PTPRT: variants seen among roughly 807,000 people sequenced by gnomAD.
The protein encoded by PTPRT is receptor-type tyrosine-protein phosphatase T.
Under a neutral mutation model 176.8 loss-of-function variants are expected in PTPRT, and 56 were observed. The observed-to-expected ratio is 0.32, with a 90% CI of 0.26 to 0.40. The LOEUF (loss-of-function observed/expected upper bound fraction) is 0.40, where lower values mean the gene tolerates loss of function less well. Ranked by LOEUF, PTPRT falls within the 10% of genes least tolerant of loss-of-function variation. PTPRT has a pLI of 1.00. For missense variants in PTPRT, 1,540 were observed against 1,908.2 expected, an observed-to-expected ratio of 0.81 and a Z score of 3.60; for synonymous variants, 783 against 739.0, an observed-to-expected ratio of 1.06 and a Z score of -0.96.
chr20:42,112,355 C>T (rs1987046080), intron 22 of PTPRT, among the ~76,000 whole-genome samples: 1 of 152,126 alleles, frequency 6.6e-6, no homozygotes, highest in African/African-American at 2.4e-5. Flanking sequence ...AACAGGAACC[C>T]CCCTCCCCTG....
At position 42,086,744 on chromosome 20, in the gene PTPRT, A is replaced by AT. The variant is rs1157494411; in HGVS notation, c.3847-892_3847-891insA. Among the ~76,000 whole-genome samples, 29 of 71,416 alleles carry AT rather than the reference A, an allele frequency of 4.1e-4. 2 individuals are homozygous for AT. Among genetic ancestry groups the AT allele is most frequent in the Admixed American group, 1.8e-3 (12 of 6,622 alleles). 46.9% of individuals were successfully genotyped at this position (71,416 alleles called of 152,430 possible). On this transcript the variant is annotated intron_variant, in intron 27 of 30. Transcript: ENST00000373187. Reference sequence around the variant, plus strand: ...TCCATCTCAAAAAAAAAAAAAAAAAAAAAAAAAAAATATATATATATATGG... The same window carrying AT: ...TCCATCTCAAAAAAAAAAAAAAAAAATAAAAAAAAAATATATATATATATGG...
intron 1 of PTPRT, among the ~76,000 whole-genome samples, chr20:42,898,809 AAAG>A (rs1389402670): frequency 2.6e-5 from 4 of 152,006 alleles, no homozygotes; most frequent in African/African-American, 2.4e-5. Context: ...AAGTGCGATG[AAAG>A]AAGGAGGCCC....
intron 1 of PTPRT, among the ~76,000 whole-genome samples, chr20:43,093,383 G>A (rs901967665): frequency 2.0e-5 from 3 of 152,138 alleles, no homozygotes; most frequent in African/African-American, 4.8e-5. Flanking sequence ...GTTGTACGTT[G>A]GACTGTTTCT....
At position 42,199,317 on chromosome 20, in the gene PTPRT, T is replaced by C; in HGVS notation, c.2414A>G (p.Asp805Gly). The C allele has an allele frequency of 6.2e-7, 1 of 1,614,182 alleles. No homozygotes were observed. The change falls in exon 16 of 31, where the codon GAC becomes GGC. Residue 805 changes from aspartate (D) to glycine (G), a missense_variant. Asp to Gly is a moderately conservative substitution (Grantham distance 94, BLOSUM62 -1). This residue lies in a region of PTPRT where 255 missense variants were observed against 250.1 expected (regional missense o/e 1.02). Transcript: ENST00000373187. ...QREMGPVASA[D>G]KPTTKLSASR... ...GGCGCTGAGCTTGGTGGTGGGTTTG[T>C]CGGCAGAGGCCACAGGCCCCATCTC...
At chr20:42,751,987 A>C (rs2076776604) in intron 6 of PTPRT, among the ~76,000 whole-genome samples, 1 of 152,054 alleles carries the variant, frequency 6.6e-6, no homozygotes, top group Non-Finnish European at 1.5e-5. Flanking sequence ...AGAGAACCCT[A>C]ATAAAAGACC....
chr20:42,562,242 T>C (rs1180458311), intron 7 of PTPRT, among the ~76,000 whole-genome samples: 4 of 152,222 alleles, frequency 2.6e-5, no homozygotes, highest in Non-Finnish European at 5.9e-5. Context: ...TCCAGAATTA[T>C]CTTGTTCCCT....
chr20:42,725,457 A>G (rs1189587026), intron 6 of PTPRT, among the ~76,000 whole-genome samples: 1 of 151,980 alleles, frequency 6.6e-6, no homozygotes, highest in African/African-American at 2.4e-5. Context: ...ACACTTGTAC[A>G]ATAGTATTAA....
intron 15 of PTPRT, among the ~76,000 whole-genome samples, chr20:42,213,826 T>C (rs1030071018): frequency 6.6e-6 from 1 of 152,136 alleles, no homozygotes; most frequent in African/African-American, 2.4e-5. Flanking sequence ...AACACCTTGA[T>C]TTTGGATTTA....
Position 42,248,799 on chromosome 20 carries a change from T to C in PTPRT, c.2200A>G (p.Thr734Ala). ...TCCACCTGCTTCTCTGGCTCCACAG[T>C]GTTAGAATTCTGGGTGGAGGCACCT... ...TKGASTQNSNTVEPEKQVDNT... is the reference protein window; with the variant it reads ...TKGASTQNSNAVEPEKQVDNT... The change falls in exon 14 of 31, where the codon ACT becomes GCT. Residue 734 changes from threonine (T) to alanine (A), a missense_variant. Thr to Ala is a moderately conservative substitution (Grantham distance 58, BLOSUM62 0). Coordinates refer to ENST00000373187, the MANE Select transcript of PTPRT (RefSeq NM_007050.6). 6.2e-7 allele frequency: 1 copy of C among 1,613,850 alleles called. No homozygotes were observed. Among genetic ancestry groups the C allele is most frequent in the Non-Finnish European group, 8.5e-7 (1 of 1,179,900 alleles).
chr20:42,423,381 G>A (rs144801259), intron 9 of PTPRT, among the ~76,000 whole-genome samples: 91 of 152,148 alleles, frequency 6.0e-4, no homozygotes, highest in African/African-American at 2.0e-3. Flanking sequence ...GGCACAGTTA[G>A]ACTGCATTTC....
intron 9 of PTPRT, among the ~76,000 whole-genome samples, chr20:42,410,181 A>G (rs1354609211): frequency 6.6e-6 from 1 of 152,126 alleles, no homozygotes; most frequent in Non-Finnish European, 1.5e-5. Context: ...ATATTGGTGA[A>G]AAAAGCATAC....
rs536949583 is a variant in PTPRT at position 43,065,268 on chromosome 20, T to TCCA, written c.88+124375_88+124377dup. Among the ~76,000 whole-genome samples the TCCA allele has an allele frequency of 2.0e-3, 306 of 152,288 alleles. 1 individual carries two copies. Among genetic ancestry groups the TCCA allele is most frequent in the African/African-American group, 7.2e-3 (298 of 41,548 alleles). ...ATTCACAGATCTAGGATCCTATAATTCCACCAAACTCTGTGGCATCAGAGT... is the reference window on the plus strand; with the variant it reads ...ATTCACAGATCTAGGATCCTATAATTCCACCACCAAACTCTGTGGCATCAGAGT... On this transcript the variant is annotated intron_variant, in intron 1 of 30. Transcript: ENST00000373187.
intron 22 of PTPRT, among the ~76,000 whole-genome samples, chr20:42,110,900 A>C (rs73131116): frequency 0.035 from 5,401 of 152,268 alleles, 161 homozygotes; most frequent in Middle Eastern, 0.065. Context: ...GTGGAATCTG[A>C]GGCGTTCAGT....
rs1217849928 is a variant in PTPRT at position 42,084,863 on chromosome 20, G to GT, written c.3973-19dup. ...TCCTGTGGCTGAGAACAGAGAGGCT[G>GT]TTAGGGCTGTTCTGCTGGGGATGCT... On this transcript the variant is annotated intron_variant, in intron 28 of 30. Transcript: ENST00000373187. 3 of 1,391,376 alleles carry GT rather than the reference G, an allele frequency of 2.2e-6. No individual in the cohort carries two copies. Among genetic ancestry groups the GT allele is most frequent in the Non-Finnish European group, 2.8e-6 (3 of 1,055,556 alleles). The allele number at this position is 1,391,376 out of a possible 1,614,324, so 86.2% of individuals were successfully genotyped here. A position where few individuals can be genotyped will look rare whatever the true frequency, so the allele number is the denominator to read the frequency against.
At position 42,791,375 on chromosome 20, in the gene PTPRT, G is replaced by A. The variant is rs1033091583; in HGVS notation, c.306C>T (p.Cys102=). 3 of 1,614,132 alleles carry A rather than the reference G, an allele frequency of 1.9e-6. No individual in the cohort carries two copies. Among genetic ancestry groups the A allele is most frequent in the Middle Eastern group, 1.6e-4 (1 of 6,084 alleles). Residue 102 remains cysteine (C), a synonymous_variant, in exon 3 of 31, where the codon TGC becomes TGT. Coordinates refer to ENST00000373187, the MANE Select transcript of PTPRT (RefSeq NM_007050.6). ...TGGAGAAGTAGTAATGGAAGTCGATGCAGTGGGTGTCATTCTCCTTCAGGG... is the reference window on the plus strand; with the variant it reads ...TGGAGAAGTAGTAATGGAAGTCGATACAGTGGGTGTCATTCTCCTTCAGGG... ...LPTLKENDTH[C]IDFHYYFSSR... is the part of the protein sequence containing the mutation.
chr20:42,452,528 A>T (rs953464166), intron 8 of PTPRT, among the ~76,000 whole-genome samples: 3 of 152,124 alleles, frequency 2.0e-5, no homozygotes, highest in Non-Finnish European at 2.9e-5. Context: ...TACATCAAGA[A>T]TTTGGAAAGA....
At chr20:43,112,938 A>G (rs995898167) in intron 1 of PTPRT, among the ~76,000 whole-genome samples, 1 of 150,760 alleles carries the variant, frequency 6.6e-6, no homozygotes, top group Non-Finnish European at 1.5e-5. Context: ...ATATAAACGT[A>G]TCTCCTGGGG....
intron 7 of PTPRT, among the ~76,000 whole-genome samples, chr20:42,540,864 G>A (rs2072566699): frequency 6.6e-6 from 1 of 152,150 alleles, no homozygotes; most frequent in African/African-American, 2.4e-5. Context: ...TCGGGAGGAT[G>A]GGGAAGGTAG....
intron 8 of PTPRT, among the ~76,000 whole-genome samples, chr20:42,451,637 T>C (rs1245766794): frequency 1.3e-5 from 2 of 152,134 alleles, no homozygotes; most frequent in Non-Finnish European, 2.9e-5. Context: ...TAAGCCGTCA[T>C]TGTAGCATCC....
Sources: allele counts gnomAD v4.1 joint callset (sites outside exome capture counted in the v4.1 genomes callset), GRCh38; gene constraint gnomAD v4.1.1; regional missense constraint gnomAD v4.1.1; transcripts MANE v1.5; gene names NCBI Gene and HGNC (gene_info 2026-07-23, HGNC 2026-07-21).